Variants in PCM1 observed in about 807,000 individuals in gnomAD.
PCM1 encodes the protein pericentriolar material 1.
PCM1 carries 157 observed loss-of-function variants against 241.9 expected under a neutral mutation model. The observed-to-expected ratio is 0.65, with a 90% confidence interval of 0.57 to 0.74. The LOEUF is 0.74. Among genes scored for constraint, PCM1 ranks in the 30% least tolerant of loss-of-function variants. PCM1 has a pLI of 0.00. For synonymous variants in PCM1, 1,085 were observed against 784.9 expected, an observed-to-expected ratio of 1.38 and a Z score of -6.39; for missense variants, 3,478 against 2,360.1, an observed-to-expected ratio of 1.47 and a Z score of -9.81.
intron 4 of PCM1, among the ~76,000 whole-genome samples, chr8:17,938,291 A>G (rs1371760553): frequency 6.6e-6 from 1 of 152,200 alleles, no homozygotes; most frequent in African/African-American, 2.4e-5. Flanking sequence ...ATTATTAAAA[A>G]TATTGTATAA....
intron 36 of PCM1, among the ~76,000 whole-genome samples, chr8:18,020,661 A>G (rs208025): frequency 0.74 from 112,364 of 152,170 alleles, 42,033 homozygotes; most frequent in African/African-American, 0.81. Context: ...ATACTGAGCA[A>G]GACATGCTGT....
Position 18,026,163 on chromosome 8 carries a change from CTGAAACAAAAAAAAA to C in PCM1, c.6049+506_6049+520del, listed in dbSNP as rs1200937303. On this transcript the variant is annotated intron_variant, in intron 38 of 38. Coordinates refer to ENST00000325083, the MANE Select transcript of PCM1 (RefSeq NM_006197.4). ...TGGGTGAAAGAGCGAGACTCCCTCT[CTGAAACAAAAAAAAA>C]AAAAAAAAAAAAAAAAAAAAAAATG... Among the ~76,000 whole-genome samples, 23 of 53,676 alleles carry C rather than the reference CTGAAACAAAAAAAAA, an allele frequency of 4.3e-4. 1 individual carries two copies. In the South Asian group the frequency reaches 0.01, roughly 24 times the overall value. 35.2% of individuals were successfully genotyped at this position (53,676 alleles called of 152,430 possible).
intron 15 of PCM1, among the ~76,000 whole-genome samples, chr8:17,961,608 G>A (rs1439069789): frequency 5.3e-5 from 8 of 152,174 alleles, no homozygotes; most frequent in Admixed American, 2.0e-4. Context: ...ACCGCTCCCG[G>A]CCTATTGGCT....
chr8:18,015,529 C>T (rs550273053), intron 36 of PCM1, among the ~76,000 whole-genome samples: 1 of 151,430 alleles, frequency 6.6e-6, no homozygotes, highest in African/African-American at 2.4e-5. Context: ...TGATAAAAGA[C>T]AATTTTGTAA....
intron 24 of PCM1, 47 bp from the exon 25 acceptor site, chr8:17,985,400 G>T: frequency 7.5e-7 from 1 of 1,330,854 alleles, no homozygotes; most frequent in Non-Finnish European, 1.0e-6. Context: ...AAGTTGTCAT[G>T]AAGGTACTTC....
Position 17,955,499 on chromosome 8 carries a change from A to G in PCM1, c.1318A>G (p.Ser440Gly), listed in dbSNP as rs780570232. The G allele has an allele frequency of 2.5e-5, 41 of 1,612,414 alleles. No individual in the cohort carries two copies. Among genetic ancestry groups the G allele is most frequent in the Non-Finnish European group, 3.3e-5 (39 of 1,179,306 alleles). ...SSPQRSVDQR[S>G]TSAPSASVGL... Reference sequence around the variant, plus strand: ...TCCACAAAGGAGTGTCGATCAGAGAAGTACTTCAGCTCCCTCTGCTTCTGT... The same window carrying G: ...TCCACAAAGGAGTGTCGATCAGAGAGGTACTTCAGCTCCCTCTGCTTCTGT... The change falls in exon 10 of 39, where the codon AGT (serine) becomes GGT (glycine). Residue 440 changes from serine (S) to glycine (G), a missense_variant. Transcript: ENST00000325083.
At chr8:17,927,933 C>G (rs1398920688) in intron 2 of PCM1, 5 of 121,824 alleles carry the variant, frequency 4.1e-5, no homozygotes, top group Admixed American at 2.5e-4. Flanking sequence ...ATTTTTGTGT[C>G]TTTGTAAAAA....
chr8:18,008,158 G>T (rs551112437), intron 30 of PCM1, among the ~76,000 whole-genome samples: 158 of 152,244 alleles, frequency 1.0e-3, no homozygotes, highest in African/African-American at 3.8e-3. Context: ...AGTGAGCAAA[G>T]CTTCATCTGT....
chr8:17,956,811 A>G (rs371438153), intron 11 of PCM1, 34 bp downstream of exon 11: 80 of 1,520,402 alleles, frequency 5.3e-5, no homozygotes, highest in Non-Finnish European at 7.2e-5. Flanking sequence ...TTTCCAGCAT[A>G]TTCATTCTGT....
intron 8 of PCM1, among the ~76,000 whole-genome samples, chr8:17,951,932 T>C (rs996435349): frequency 4.0e-5 from 6 of 151,806 alleles, no homozygotes; most frequent in Admixed American, 1.3e-4. Context: ...TAAAAAAAAT[T>C]TAAAAAAAGG....
intron 9 of PCM1, among the ~76,000 whole-genome samples, chr8:17,954,048 C>T (rs569084360): frequency 6.6e-6 from 1 of 152,204 alleles, no homozygotes; most frequent in Non-Finnish European, 1.5e-5. Context: ...CTAAAACATA[C>T]TCCTTTCTTT....
rs776527224 is a variant in PCM1 at position 17,953,087 on chromosome 8, T to G, written c.1189T>G (p.Phe397Val). The G allele has an allele frequency of 6.2e-7, 1 of 1,603,852 alleles. No homozygotes were observed. The highest frequency in any genetic ancestry group is 1.1e-5 in the South Asian group (1 of 89,092). ...ERLPDEKVEL[F>V]SKMRVLQEKK... ...TTTACCTGATGAGAAAGTCGAACTT[T>G]TTAGCAAAATGAGAGTGCTACAGGA... The change falls in exon 9 of 39, where the codon TTT becomes GTT. Residue 397 changes from phenylalanine to valine, a missense_variant. Transcript: ENST00000325083.
Position 18,025,657 on chromosome 8 carries a change from TG to T in PCM1, c.6049+1del. The T allele has an allele frequency of 6.7e-7, 1 of 1,481,970 alleles. No homozygotes were observed. Among genetic ancestry groups the T allele is most frequent in the Non-Finnish European group, 9.2e-7 (1 of 1,081,744 alleles). The allele number at this position is 1,481,970 out of a possible 1,614,324, so 91.8% of individuals were successfully genotyped here. A position where few individuals can be genotyped will look rare whatever the true frequency, so the allele number is the denominator to read the frequency against. On this transcript the variant is annotated frameshift_variant and splice_region_variant, in exon 38 of 39. Coordinates refer to ENST00000325083, the MANE Select transcript of PCM1 (RefSeq NM_006197.4). LOFTEE classifies it high-confidence loss of function. Reference protein sequence around the residue: ...AGNSETLKEPETVGAQSI With the variant: ...AGNSETLKEPXTVGAQSI ...GAAATTCTGAGACACTAAAAGAACC[TG>T]GTAAGAGTTATCAATTTAAATCTTG... is the stretch of plus-strand genomic sequence containing the variant.
intron 2 of PCM1, 137 bp from the exon 3 acceptor site, chr8:17,935,452 G>T: frequency 1.7e-6 from 1 of 576,606 alleles, no homozygotes. Context: ...ATTTGTCTGT[G>T]ATGTGGTTGA....
intron 36 of PCM1, among the ~76,000 whole-genome samples, chr8:18,019,646 C>A (rs2093602228): frequency 6.6e-6 from 1 of 152,134 alleles, no homozygotes; most frequent in African/African-American, 2.4e-5. Context: ...CAATAGGGTT[C>A]AAGCTCCTAC....
chr8:17,969,402 A>ATAGT (rs2076120424), intron 21 of PCM1, 175 bp from the exon 22 acceptor site: 1 of 540,474 alleles, frequency 1.9e-6, no homozygotes, highest in Admixed American at 3.8e-5. Flanking sequence ...TGCCTAAAAC[A>ATAGT]TAGTGGCCTA....
At chr8:17,991,169 A>C (rs769468709) in intron 27 of PCM1, among the ~76,000 whole-genome samples, 2 of 151,736 alleles carry the variant, frequency 1.3e-5, no homozygotes, top group Admixed American at 6.6e-5. Context: ...CGTTGTTTTC[A>C]TCAGAATTTG....
intron 29 of PCM1, among the ~76,000 whole-genome samples, chr8:17,996,290 G>A (rs6990913): frequency 0.059 from 8,949 of 152,138 alleles, 894 homozygotes; most frequent in African/African-American, 0.2. Flanking sequence ...CAGTTAAAAT[G>A]ATCATATGGG....
At chr8:17,934,270 T>C (rs1007107300) in intron 2 of PCM1, among the ~76,000 whole-genome samples, 1 of 147,152 alleles carries the variant, frequency 6.8e-6, no homozygotes, top group Non-Finnish European at 1.5e-5. Flanking sequence ...TTTTTAATCT[T>C]TTTTTTTTTT....
Sources: gnomAD v4.1 joint callset for allele counts (sites outside exome capture counted in the v4.1 genomes callset) on GRCh38, gnomAD v4.1.1 for gene constraint, MANE v1.5 for transcripts, NCBI Gene and HGNC (gene_info 2026-07-23, HGNC 2026-07-21) for gene names.